Variants in RXFP2 observed in about 807,000 individuals in gnomAD.
RXFP2 encodes relaxin family peptide receptor 2, also known as relaxin receptor 2.
A neutral mutation model predicts 88.6 loss-of-function variants in RXFP2; 68 were observed. That is an observed-to-expected ratio of 0.77 (90% CI 0.63 to 0.94). RXFP2 has a LOEUF of 0.94. Ranked by LOEUF, RXFP2 falls within the 40% of genes least tolerant of loss-of-function variation. RXFP2 has a pLI of 0.00. For synonymous variants in RXFP2, 329 were observed against 306.8 expected (o/e 1.07, Z -0.76); for missense variants, 791 against 893.9 (o/e 0.88, Z 1.47).
intron 16 of RXFP2, among the ~76,000 whole-genome samples, chr13:31,795,685 C>T (rs549450410): frequency 3.9e-5 from 6 of 152,172 alleles, no homozygotes; most frequent in Non-Finnish European, 8.8e-5. Flanking sequence ...TTACCCTAGA[C>T]TTCACCAATC....
intron 8 of RXFP2, among the ~76,000 whole-genome samples, chr13:31,778,303 T>C (rs1405339084): frequency 6.6e-6 from 1 of 152,218 alleles, no homozygotes; most frequent in Non-Finnish European, 1.5e-5. Context: ...ATATGTATCA[T>C]ACTTATGCAT....
intron 1 of RXFP2, among the ~76,000 whole-genome samples, chr13:31,748,201 G>T (rs1464008993): frequency 6.6e-6 from 1 of 152,184 alleles, no homozygotes; most frequent in Non-Finnish European, 1.5e-5. Flanking sequence ...ATTCTTGTAT[G>T]AATCTCTTGG....
chr13:31,789,876 T>A (rs551042713), intron 14 of RXFP2, among the ~76,000 whole-genome samples: 3 of 152,212 alleles, frequency 2.0e-5, no homozygotes, highest in Non-Finnish European at 2.9e-5. Context: ...GAACATTTTG[T>A]TTATGTCTGT....
At chr13:31,763,029 G>A (rs1872370743) in intron 3 of RXFP2, among the ~76,000 whole-genome samples, 1 of 151,388 alleles carries the variant, frequency 6.6e-6, no homozygotes, top group Non-Finnish European at 1.5e-5. Context: ...AGAGCAGCGA[G>A]TCTCAGCCAT....
intron 5 of RXFP2, among the ~76,000 whole-genome samples, chr13:31,766,811 C>T (rs1157484044): frequency 1.8e-4 from 27 of 152,126 alleles, no homozygotes; most frequent in Admixed American, 1.7e-3. Context: ...GGATGGGATG[C>T]TTTCTATTCA....
At chr13:31,763,508 G>A (rs896198730) in intron 3 of RXFP2, among the ~76,000 whole-genome samples, 1 of 152,126 alleles carries the variant, frequency 6.6e-6, no homozygotes, top group African/African-American at 2.4e-5. Flanking sequence ...GACAAAGAAC[G>A]ATTGATCCAA....
intron 6 of RXFP2, 83 bp from the exon 7 acceptor site, chr13:31,775,235 T>C: frequency 2.8e-6 from 3 of 1,083,902 alleles, no homozygotes; most frequent in Non-Finnish European, 4.3e-6. Flanking sequence ...TCCATAATCA[T>C]CATCAGTGGC....
chr13:31,794,615 C>T (rs1266990846), intron 16 of RXFP2, among the ~76,000 whole-genome samples: 1 of 152,052 alleles, frequency 6.6e-6, no homozygotes, highest in Non-Finnish European at 1.5e-5. Context: ...GTTCTAGGAG[C>T]CCCAGATCTG....
At chr13:31,773,018 A>G (rs1003163243) in intron 5 of RXFP2, among the ~76,000 whole-genome samples, 2 of 152,352 alleles carry the variant, frequency 1.3e-5, no homozygotes, top group South Asian at 4.1e-4. Context: ...CCTACAATAC[A>G]GTATTTTGCT....
intron 1 of RXFP2, among the ~76,000 whole-genome samples, chr13:31,750,213 C>T (rs955925006): frequency 2.0e-5 from 3 of 152,124 alleles, no homozygotes; most frequent in African/African-American, 7.2e-5. Context: ...GTTCAAAACA[C>T]TGGTCCTGAC....
rs1016852518 is a variant in RXFP2 at position 31,774,502 on chromosome 13, G to T, written c.498-118G>T. The T allele has an allele frequency of 8.3e-6, 6 of 722,962 alleles. No individual in the cohort carries two copies. The Admixed American group carries it at 1.2e-4, about 14-fold the overall frequency. 44.8% of individuals were successfully genotyped at this position (722,962 alleles called of 1,614,324 possible). A position where few individuals can be genotyped will look rare whatever the true frequency, so the allele number is the denominator to read the frequency against. On this transcript the variant is annotated intron_variant, in intron 5 of 17. Transcript: ENST00000298386. The stretch of plus-strand genomic sequence containing the variant: ...ACAACATCTCCCCAACATGAGAATA[G>T]GACTTCGTACTTCAATTTCACAATT...
In RXFP2 at chr13:31,791,842, C is replaced by G. The variant is rs1873803399; in HGVS notation, c.1182C>G (p.Pro394=). 2 of 1,614,130 alleles carry G rather than the reference C, an allele frequency of 1.2e-6. No homozygotes were observed. The highest frequency in any genetic ancestry group is 1.7e-6 in the Non-Finnish European group (2 of 1,179,994). ...ACTTTCGATACTGCTCCTATGCTCCCCATGTCCGAATATGTATGCCCTTGA... is the reference window on the plus strand; with the variant it reads ...ACTTTCGATACTGCTCCTATGCTCCGCATGTCCGAATATGTATGCCCTTGA... ...FKNFRYCSYA[P]HVRICMPLTD... is the part of the protein sequence containing the mutation. The change falls in exon 15 of 18, where the codon CCC becomes CCG. Residue 394 remains proline (P), a synonymous_variant. Coordinates refer to ENST00000298386, the MANE Select transcript of RXFP2 (RefSeq NM_130806.5).
chr13:31,766,146 T>G, intron 5 of RXFP2, 119 bp downstream of exon 5: 1 of 654,794 alleles, frequency 1.5e-6, no homozygotes, highest in Non-Finnish European at 2.8e-6. Context: ...TGTTTCTAAA[T>G]GTAATTAAGA....
intron 2 of RXFP2, 23 bp from the exon 3 acceptor site, chr13:31,761,701 A>G (rs767730385): frequency 6.5e-7 from 1 of 1,529,172 alleles, no homozygotes; most frequent in East Asian, 2.3e-5. Flanking sequence ...AATAAGTGAC[A>G]CATCTCAATC....
chr13:31,773,789 C>A (rs1235476743), intron 5 of RXFP2, among the ~76,000 whole-genome samples: 1 of 152,102 alleles, frequency 6.6e-6, no homozygotes, highest in African/African-American at 2.4e-5. Context: ...AATATCATAA[C>A]AATGAAACAG....
chr13:31,801,306 CA>C (rs1874330126), intron 17 of RXFP2, among the ~76,000 whole-genome samples: 1 of 151,626 alleles, frequency 6.6e-6, no homozygotes, highest in Admixed American at 6.6e-5. Flanking sequence ...GTCTTAGTAC[CA>C]AAAAAGCACA....
rs139875919 is a variant in RXFP2, at chr13:31,764,836, G to T, written c.320-201G>T. On this transcript the variant is annotated intron_variant, in intron 3 of 17. Coordinates refer to ENST00000298386, the MANE Select transcript of RXFP2 (RefSeq NM_130806.5). Reference sequence around the variant, plus strand: ...AATGCCTCTGAAATGACTACTAGAAGCTAGAACTGAGATTAACACATTAGT... The same window carrying T: ...AATGCCTCTGAAATGACTACTAGAATCTAGAACTGAGATTAACACATTAGT... Among the ~76,000 whole-genome samples the T allele has an allele frequency of 1.1e-4, 17 of 152,314 alleles. No individual in the cohort carries two copies. In the East Asian group the frequency reaches 3.3e-3, roughly 29 times the overall value.
At chr13:31,764,022 A>G (rs927311943) in intron 3 of RXFP2, among the ~76,000 whole-genome samples, 2 of 152,184 alleles carry the variant, frequency 1.3e-5, no homozygotes, top group Non-Finnish European at 2.9e-5. Flanking sequence ...TTTTAAAATA[A>G]CATTTGGATA....
intron 1 of RXFP2, among the ~76,000 whole-genome samples, chr13:31,746,047 C>G (rs921286260): frequency 2.0e-5 from 3 of 152,232 alleles, no homozygotes; most frequent in African/African-American, 7.2e-5. Context: ...CAAATAACTT[C>G]TCCGCTTCAT....
Sources: allele counts gnomAD v4.1 joint callset (sites outside exome capture counted in the v4.1 genomes callset), GRCh38; gene constraint gnomAD v4.1.1; transcripts MANE v1.5; gene names NCBI Gene and HGNC (gene_info 2026-07-23, HGNC 2026-07-21).